The following PCDHA9 variants were observed in gnomAD, a reference collection of about 807,000 sequenced individuals.
The protein encoded by PCDHA9 is protocadherin alpha-9.
Under a neutral mutation model 62.0 loss-of-function variants are expected in PCDHA9, and 62 were observed. The observed-to-expected ratio is 1.00, with a 90% CI of 0.81 to 1.23. PCDHA9 has a LOEUF of 1.23. Ranked by LOEUF, PCDHA9 falls within the 50% of genes most tolerant of loss-of-function variation. PCDHA9 has a pLI of 0.00. For synonymous variants in PCDHA9, 557 were observed against 567.6 expected, an observed-to-expected ratio of 0.98 and a Z score of 0.27; for missense variants, 1,205 against 1,249.8, an observed-to-expected ratio of 0.96 and a Z score of 0.54.
chr5:141,002,039 C>G (rs1198304632), intron 3 of PCDHA9, among the ~76,000 whole-genome samples: 1 of 152,216 alleles, frequency 6.6e-6, no homozygotes, highest in Non-Finnish European at 1.5e-5. Flanking sequence ...TGACTCTTTC[C>G]TGGGCATCCA....
intron 1 of PCDHA9, among the ~76,000 whole-genome samples, chr5:140,886,739 T>C (rs1411142692): frequency 6.6e-6 from 1 of 151,488 alleles, no homozygotes; most frequent in Non-Finnish European, 1.5e-5. Context: ...AGCAAGAGAA[T>C]TGCTTGAACC....
At chr5:140,982,671 G>T in intron 3 of PCDHA9, 108 bp downstream of exon 3, 1 of 1,454,062 alleles carries the variant, frequency 6.9e-7, no homozygotes, top group South Asian at 1.4e-5. Context: ...TTATATTTTT[G>T]TTATTCCCTT....
chr5:140,968,682 C>T, intron 1 of PCDHA9: 1 of 1,614,128 alleles, frequency 6.2e-7, no homozygotes, highest in Non-Finnish European at 8.5e-7. Flanking sequence ...GAGCTGCACA[C>T]AGGAGAAATT....
At chr5:140,926,938 G>C in intron 1 of PCDHA9, 1 of 1,581,492 alleles carries the variant, frequency 6.3e-7, no homozygotes. Context: ...GGTTTCCTGC[G>C]GCGCTGCAGC....
rs2150480105 is a variant in PCDHA9, at chr5:140,850,339, C to T, written c.1844C>T (p.Thr615Met). The T allele has an allele frequency of 1.9e-6, 3 of 1,597,742 alleles. No homozygotes were observed. The highest frequency in any genetic ancestry group is 2.2e-5 in the East Asian group (1 of 44,830). The change falls in exon 1 of 4, where the codon ACG (threonine) becomes ATG (methionine). Residue 615 changes from threonine (T) to methionine (M), a missense_variant. By Grantham distance (81) the Thr-to-Met change is moderately conservative. Around this residue, in one of 3 missense-constraint regions of PCDHA9, gnomAD observed 887 missense variants for 809.5 expected, o/e 1.10. Transcript: ENST00000532602. ...CTTTCATACGAGCTGCAGCCAGAAA[C>T]GGCCAGCGCGAGCATCCCGTTCCGC... ...AWLSYELQPE[T>M]ASASIPFRVG...
At chr5:140,888,488 C>T (rs1257053839) in intron 1 of PCDHA9, among the ~76,000 whole-genome samples, 2 of 152,204 alleles carry the variant, frequency 1.3e-5, no homozygotes, top group African/African-American at 2.4e-5. Context: ...TGTTGAGAAA[C>T]TCTGCTTTAA....
At chr5:140,990,109 T>C (rs2097374572) in intron 3 of PCDHA9, among the ~76,000 whole-genome samples, 1 of 151,886 alleles carries the variant, frequency 6.6e-6, no homozygotes, top group African/African-American at 2.4e-5. Context: ...AAACAGGAAA[T>C]TGAGAGCTCT....
rs1479921830 is a variant in PCDHA9 at position 140,876,971 on chromosome 5, G to A, written c.2394+26082G>A. The A allele has an allele frequency of 1.9e-6, 3 of 1,612,696 alleles. No homozygotes were observed. In the African/African-American group the frequency reaches 4.0e-5, roughly 22 times the overall value. On this transcript the variant is annotated intron_variant, in intron 1 of 3. Coordinates refer to ENST00000532602, the MANE Select transcript of PCDHA9 (RefSeq NM_031857.2). ...TACTCGCTGGTGGAGCGGCGGGTGG[G>A]CGAGCACGCACTGTCGAGCTACGTG...
intron 1 of PCDHA9, among the ~76,000 whole-genome samples, chr5:140,885,441 A>G (rs568228687): frequency 6.6e-6 from 1 of 152,232 alleles, no homozygotes; most frequent in African/African-American, 2.4e-5. Context: ...GTGTGCAATT[A>G]TATATTATTT....
At position 140,915,045 on chromosome 5, in the gene PCDHA9, A is replaced by G. The variant is rs989835419; in HGVS notation, c.2395-63904A>G. 2.0e-5 allele frequency among the ~76,000 whole-genome samples: 3 copies of G among 151,216 alleles called. No homozygotes were observed. In the East Asian group the frequency reaches 5.8e-4, roughly 29 times the overall value. On this transcript the variant is annotated intron_variant, in intron 1 of 3. Transcript: ENST00000532602. ...ACTGCAACTTCTGCCTCCTGGGTTC[A>G]AGCGATTCTCCTGCCTTAGCCTACT...
intron 1 of PCDHA9, among the ~76,000 whole-genome samples, chr5:140,956,442 T>A (rs557521776): frequency 2.6e-5 from 4 of 152,362 alleles, no homozygotes; most frequent in African/African-American, 9.6e-5. Flanking sequence ...GCTTATGTGA[T>A]GAATTACATT....
intron 1 of PCDHA9, chr5:140,870,040 A>C: frequency 6.2e-7 from 1 of 1,613,768 alleles, no homozygotes; most frequent in Non-Finnish European, 8.5e-7. Context: ...TGAAGAAAAC[A>C]AGTTTTATAA....
intron 1 of PCDHA9, chr5:140,866,148 ATAAG>A (rs1375745548): frequency 1.4e-4 from 21 of 152,178 alleles, no homozygotes; most frequent in Admixed American, 1.3e-4. Context: ...TGGAAGTGAT[ATAAG>A]TAAGAATCGT....
chr5:140,852,764 A>T (rs1488234251), intron 1 of PCDHA9: 1 of 983,098 alleles, frequency 1.0e-6, no homozygotes, highest in Non-Finnish European at 1.2e-6. Flanking sequence ...CAGGTATCTG[A>T]TTATTTGATG....
intron 1 of PCDHA9, chr5:140,869,935 A>T: frequency 1.2e-6 from 2 of 1,612,050 alleles, no homozygotes; most frequent in Admixed American, 1.7e-5. Flanking sequence ...TGGAGAGGTA[A>T]CATACTCCTT....
rs782497691 is a variant in PCDHA9 at position 140,856,769 on chromosome 5, T to C, written c.2394+5880T>C. On this transcript the variant is annotated intron_variant, in intron 1 of 3. Transcript: ENST00000532602. ...AGATGCCAATGATAACGCCCCTATC[T>C]TTGACAGACCGGTTTATGAAGTTAA... is the stretch of plus-strand genomic sequence containing the variant. 1.8e-5 allele frequency: 28 copies of C among 1,596,572 alleles called. 4 individuals carry two copies. The highest frequency in any genetic ancestry group is 2.4e-5 in the Non-Finnish European group (28 of 1,166,742).
At chr5:140,871,774 T>C (rs1164981873) in intron 1 of PCDHA9, among the ~76,000 whole-genome samples, 1 of 152,254 alleles carries the variant, frequency 6.6e-6, no homozygotes, top group African/African-American at 2.4e-5. Context: ...GACTCTTCTG[T>C]AGTCACTTGA....
At chr5:140,979,179 G>T in intron 2 of PCDHA9, 172 bp downstream of exon 2, 1 of 936,772 alleles carries the variant, frequency 1.1e-6, no homozygotes, top group Middle Eastern at 5.5e-4. Flanking sequence ...ATCGCAAATG[G>T]TCAGTGCCAG....
At chr5:140,876,980 C>T (rs782646541) in intron 1 of PCDHA9, 18 of 1,612,542 alleles carry the variant, frequency 1.1e-5, no homozygotes, top group Admixed American at 1.7e-5. Flanking sequence ...GGCGAGCACG[C>T]ACTGTCGAGC....
Sources: gnomAD v4.1 joint callset for allele counts (sites outside exome capture counted in the v4.1 genomes callset) on GRCh38, gnomAD v4.1.1 for gene constraint, gnomAD v4.1.1 regional missense constraint, MANE v1.5 for transcripts, NCBI Gene and HGNC (gene_info 2026-07-23, HGNC 2026-07-21) for gene names.